ZNF225: variants seen among roughly 807,000 people sequenced by gnomAD.
ZNF225 encodes zinc finger protein 225.
ZNF225 carries 6 observed loss-of-function variants against 12.0 expected under a neutral mutation model. That is an observed-to-expected ratio of 0.50 (90% CI 0.27 to 0.98). The LOEUF is 0.98. Ranked by LOEUF, ZNF225 falls within the 50% of genes least tolerant of loss-of-function variation. The probability of loss-of-function intolerance (pLI) is 0.11; values close to 1 mark genes in which losing one functional copy is unlikely to be tolerated. For missense variants in ZNF225, 763 were observed against 848.2 expected, an observed-to-expected ratio of 0.90 and a Z score of 1.25; for synonymous variants, 271 against 283.2, an observed-to-expected ratio of 0.96 and a Z score of 0.43.
chr19:44,118,476 T>C lies in ZNF225; in HGVS notation c.143-6T>C. ...GCACTAAGCACATGACTTTTCACGT[T>C]CACAGGGCATCAATCACTCCACAGA... On this transcript the variant is annotated splice_region_variant and splice_polypyrimidine_tract_variant and intron_variant, in intron 3 of 4. Transcript: ENST00000262894. 1 of 1,613,644 alleles carries C rather than the reference T, an allele frequency of 6.2e-7. No individual in the cohort carries two copies. The highest frequency in any genetic ancestry group is 1.3e-5 in the African/African-American group (1 of 75,028).
intron 4 of ZNF225, among the ~76,000 whole-genome samples, chr19:44,125,825 A>G (rs1968136090): frequency 6.6e-6 from 1 of 151,954 alleles, no homozygotes; most frequent in East Asian, 1.9e-4. Context: ...GTTCAATTCT[A>G]TTGCTGAGAC....
At chr19:44,127,139 G>T (rs1399376127) in intron 4 of ZNF225, among the ~76,000 whole-genome samples, 1 of 152,220 alleles carries the variant, frequency 6.6e-6, no homozygotes, top group Non-Finnish European at 1.5e-5. Context: ...TGCTCCTCTG[G>T]CTGCCTTCCT....
rs529744754 is a variant in ZNF225, at chr19:44,117,369, G to A, written c.16-819G>A. Reference sequence around the variant, plus strand: ...AATGTATGTAGTTTATGCCTTGAGAGTACACAGGATGTACTGTATAGCTGT... The same window carrying A: ...AATGTATGTAGTTTATGCCTTGAGAATACACAGGATGTACTGTATAGCTGT... On this transcript the variant is annotated intron_variant, in intron 2 of 4. Coordinates refer to ENST00000262894, the MANE Select transcript of ZNF225 (RefSeq NM_013362.4). Among the ~76,000 whole-genome samples, 5 of 152,316 alleles carry A rather than the reference G, an allele frequency of 3.3e-5. No homozygotes were observed. The South Asian group carries it at 1.0e-3, about 32-fold the overall frequency.
chr19:44,116,882 A>C (rs1568537061), intron 2 of ZNF225, among the ~76,000 whole-genome samples: 1 of 152,180 alleles, frequency 6.6e-6, no homozygotes, highest in Non-Finnish European at 1.5e-5. Flanking sequence ...ATATTATATG[A>C]TCACAATTTT....
intron 4 of ZNF225, among the ~76,000 whole-genome samples, chr19:44,121,119 G>T (rs192725545): frequency 2.0e-5 from 3 of 152,002 alleles, no homozygotes; most frequent in African/African-American, 7.3e-5. Flanking sequence ...GGATGGTCTC[G>T]ATCTCCTGAC....
At position 44,118,208 on chromosome 19, in the gene ZNF225, C is replaced by T. The variant is rs767133516; in HGVS notation, c.36C>T (p.Asp12=). ...TGTAGGAGGCAGTGACCTTCAAGGA[C>T]GTGGCTGTGGTCTTCACTGAGGAAG... ...TTLKEAVTFK[D]VAVVFTEEEL... is the part of the protein sequence containing the mutation. The change falls in exon 3 of 5, where the codon GAC becomes GAT. Residue 12 remains aspartate, a synonymous_variant. Transcript: ENST00000262894. 4.3e-6 allele frequency: 7 copies of T among 1,612,428 alleles called. No individual in the cohort carries two copies. The highest frequency in any genetic ancestry group is 2.2e-5 in the South Asian group (2 of 91,028).
intron 4 of ZNF225, 125 bp downstream of exon 4, chr19:44,118,699 C>A: frequency 1.0e-6 from 1 of 977,294 alleles, no homozygotes; most frequent in Non-Finnish European, 1.5e-6. Context: ...TTACAGCTGA[C>A]TTTCGGCTGG....
At chr19:44,113,946 G>A (rs1326566308) in intron 1 of ZNF225, 6 of 261,232 alleles carry the variant, frequency 2.3e-5, no homozygotes, top group African/African-American at 9.1e-5. Flanking sequence ...AGCCTGTCAG[G>A]TCCCCGGGTG....
At chr19:44,119,467 C>G (rs1203757260) in intron 4 of ZNF225, among the ~76,000 whole-genome samples, 1 of 152,126 alleles carries the variant, frequency 6.6e-6, no homozygotes, top group Non-Finnish European at 1.5e-5. Flanking sequence ...TTTGGTTTAC[C>G]AGTCTCTAGG....
rs76921846 is a variant in ZNF225, at chr19:44,131,716, G to C, written c.1102G>C (p.Gly368Arg). 1.6e-3 allele frequency: 2,658 copies of C among 1,614,170 alleles called. 68 individuals carry two copies. The East Asian group carries it at 0.056, about 34-fold the overall frequency. ...DLYKHQIDHT[G>R]EKPYNCKECG... ...TTATAAGCATCAGATAGACCACACA[G>C]GGGAGAAGCCATATAATTGTAAAGA... Residue 368 changes from glycine to arginine, a missense_variant, in exon 5 of 5, where the codon GGG (glycine) becomes CGG (arginine). Gly to Arg is a moderately radical substitution (Grantham distance 125). Coordinates refer to ENST00000262894, the MANE Select transcript of ZNF225 (RefSeq NM_013362.4).
chr19:44,126,082 T>C lies in ZNF225; in HGVS notation c.236-4768T>C, dbSNP rs144658787. 1.8e-4 allele frequency among the ~76,000 whole-genome samples: 27 copies of C among 152,308 alleles called. No homozygotes were observed. In the East Asian group the frequency reaches 5.2e-3, roughly 29 times the overall value. ...TGGTTTGGATCCATTGCTGGTGAAC[T>C]AGTGTGATATTTTGGTGGATGTTAA... On this transcript the variant is annotated intron_variant, in intron 4 of 4. Transcript: ENST00000262894.
intron 4 of ZNF225, among the ~76,000 whole-genome samples, chr19:44,126,205 T>G (rs1056680798): frequency 1.3e-5 from 2 of 152,186 alleles, no homozygotes; most frequent in Admixed American, 1.3e-4. Flanking sequence ...AAGGCTGTTG[T>G]TCAGATTCTT....
rs1599685517 is a variant in ZNF225, at chr19:44,134,606, G to A, written c.*1871G>A. 1 of 152,192 alleles carries A rather than the reference G, an allele frequency of 6.6e-6. No individual in the cohort carries two copies. Among genetic ancestry groups the A allele is most frequent in the Admixed American group, 6.6e-5 (1 of 15,198 alleles). 9.4% of individuals were successfully genotyped at this position (152,192 alleles called of 1,614,324 possible). A position where few individuals can be genotyped will look rare whatever the true frequency, so the allele number is the denominator to read the frequency against. On this transcript the variant is annotated 3_prime_UTR_variant, in exon 5 of 5. Coordinates refer to ENST00000262894, the MANE Select transcript of ZNF225 (RefSeq NM_013362.4). ...AGAATAGCTCATCTCCAAGGTAACT[G>A]TAACAGAACACTCAGCAGATTAAAC...
rs1968287474 is a variant in ZNF225 at position 44,132,231 on chromosome 19, A to C, written c.1617A>C (p.Pro539=). ...SHRRVHTGVK[P]YKCEECGKGF... Reference sequence around the variant, plus strand: ...GCAGAGTCCACACTGGAGTAAAGCCATACAAATGTGAAGAGTGTGGGAAGG... The same window carrying C: ...GCAGAGTCCACACTGGAGTAAAGCCCTACAAATGTGAAGAGTGTGGGAAGG... The change falls in exon 5 of 5, where the codon CCA becomes CCC. Residue 539 remains proline (P), a synonymous_variant. Coordinates refer to ENST00000262894, the MANE Select transcript of ZNF225 (RefSeq NM_013362.4). 1 of 1,614,170 alleles carries C rather than the reference A, an allele frequency of 6.2e-7. No homozygotes were observed. The highest frequency in any genetic ancestry group is 1.3e-5 in the African/African-American group (1 of 75,026).
chr19:44,132,278 T>C lies in ZNF225; in HGVS notation c.1664T>C (p.Leu555Pro). 7 of 1,613,846 alleles carry C rather than the reference T, an allele frequency of 4.3e-6. No individual in the cohort carries two copies. Among genetic ancestry groups the C allele is most frequent in the Non-Finnish European group, 5.1e-6 (6 of 1,179,988 alleles). The part of the protein sequence containing the change: ...CGKGFNSKFN[L>P]DMHQRVHTGE... ...AAGGGCTTCAACAGTAAGTTTAATC[T>C]TGACATGCACCAGAGGGTCCACACC... Residue 555 changes from leucine (L) to proline (P), a missense_variant, in exon 5 of 5, where the codon CTT becomes CCT. Transcript: ENST00000262894.
intron 4 of ZNF225, among the ~76,000 whole-genome samples, chr19:44,119,973 C>G (rs774054611): frequency 1.3e-5 from 2 of 152,188 alleles, no homozygotes; most frequent in Non-Finnish European, 2.9e-5. Context: ...AATCCCACTA[C>G]TTTCGGAGAC....
intron 1 of ZNF225, chr19:44,114,293 G>T: frequency 1.7e-6 from 1 of 588,002 alleles, no homozygotes; most frequent in Admixed American, 2.9e-5. Context: ...TCGGGCATGG[G>T]TGTTGCTTTC....
At chr19:44,113,398 C>G (rs958442212), upstream of ZNF225, 1 of 152,212 alleles carries the variant, frequency 6.6e-6, no homozygotes, top group Non-Finnish European at 1.5e-5. Flanking sequence ...TCCAGACACT[C>G]AGTGGAGTAG....
In ZNF225 at chr19:44,131,069, C is replaced by T. The variant is rs762062304; in HGVS notation, c.455C>T (p.Thr152Met). ...AGACAGAAACCTTCTGAGGGTAGGA[C>T]GTGTAAAAAGTCCTTTAGTGATGTC... ...HVRQKPSEGR[T>M]CKKSFSDVSV... Residue 152 changes from threonine (T) to methionine (M), a missense_variant, in exon 5 of 5, where the codon ACG becomes ATG. By Grantham distance (81) the Thr-to-Met change is moderately conservative. Coordinates refer to ENST00000262894, the MANE Select transcript of ZNF225 (RefSeq NM_013362.4). 42 of 1,613,894 alleles carry T rather than the reference C, an allele frequency of 2.6e-5. No individual in the cohort carries two copies. Among genetic ancestry groups the T allele is most frequent in the Admixed American group, 3.3e-5 (2 of 60,002 alleles).
Sources: gnomAD v4.1 joint callset for allele counts (sites outside exome capture counted in the v4.1 genomes callset) on GRCh38, gnomAD v4.1.1 for gene constraint, MANE v1.5 for transcripts, NCBI Gene and HGNC (gene_info 2026-07-23, HGNC 2026-07-21) for gene names.